Variants in FBXO17 observed in about 807,000 individuals in gnomAD.
FBXO17 encodes F-box protein 17.
A neutral mutation model predicts 34.1 loss-of-function variants in FBXO17; 43 were observed. The ratio of observed to expected loss-of-function variants is 1.26; its 90% CI spans 0.99 to 1.62. The LOEUF (loss-of-function observed/expected upper bound fraction) is 1.62, where lower values mean the gene tolerates loss of function less well. FBXO17 is among the 40% of genes most tolerant of loss of function. The pLI, the probability that FBXO17 is intolerant of heterozygous loss-of-function variation, is 0.00. For missense variants in FBXO17, 424 were observed against 386.7 expected (o/e 1.10, Z -0.81); for synonymous variants, 169 against 166.0 (o/e 1.02, Z -0.14).
chr19:38,969,798 A>G (rs925900007), intron 1 of FBXO17, among the ~76,000 whole-genome samples: 1 of 151,868 alleles, frequency 6.6e-6, no homozygotes, highest in African/African-American at 2.4e-5. Context: ...GGGTTTCACC[A>G]CGTTGGCCAG....
chr19:38,974,479 T>A (rs1975435583), intron 1 of FBXO17, among the ~76,000 whole-genome samples: 1 of 152,148 alleles, frequency 6.6e-6, no homozygotes, highest in Non-Finnish European at 1.5e-5. Flanking sequence ...AAATACAAGT[T>A]AAAAAAATTA....
At chr19:38,973,479 T>G (rs1284099652) in intron 1 of FBXO17, among the ~76,000 whole-genome samples, 1 of 152,174 alleles carries the variant, frequency 6.6e-6, no homozygotes, top group Non-Finnish European at 1.5e-5. Context: ...CCGTGGGGGC[T>G]CAAACACCAG....
intron 1 of FBXO17, among the ~76,000 whole-genome samples, chr19:38,953,265 C>T (rs1975113418): frequency 6.6e-6 from 1 of 151,996 alleles, no homozygotes; most frequent in Admixed American, 6.6e-5. Context: ...TATGATTATG[C>T]CACTGTACTC....
chr19:38,960,332 C>G (rs965576283), intron 1 of FBXO17, among the ~76,000 whole-genome samples: 1 of 151,120 alleles, frequency 6.6e-6, no homozygotes, highest in African/African-American at 2.4e-5. Flanking sequence ...ATCAGCTATG[C>G]GGTCCTCACT....
intron 1 of FBXO17, among the ~76,000 whole-genome samples, chr19:38,959,708 C>T (rs7249668): frequency 0.75 from 114,330 of 151,680 alleles, 43,847 homozygotes; most frequent in East Asian, 0.96. Context: ...CTGGGCAACA[C>T]AGTGAAACCC....
chr19:38,975,137 C>A lies in FBXO17; in HGVS notation c.-18+449G>T, dbSNP rs1345879771. On this transcript the variant is annotated intron_variant, in intron 1 of 5. Transcript: ENST00000292852. This position sits in a 1 kb window ranked among gnomAD's most constrained non-coding sequence, Gnocchi z 4.9. ...TGCCCAAGTTGCTAAATCGAGAAAC[C>A]GCCCTCCAAGGCTTCTGATTCACAG... 2.0e-5 allele frequency among the ~76,000 whole-genome samples: 3 copies of A among 152,144 alleles called. No homozygotes were observed. The highest frequency in any genetic ancestry group is 7.2e-5 in the African/African-American group (3 of 41,436).
At chr19:38,955,479 TC>T in intron 1 of FBXO17, among the ~76,000 whole-genome samples, 1 of 148,392 alleles carries the variant, frequency 6.7e-6, no homozygotes, top group Non-Finnish European at 1.5e-5. Flanking sequence ...ACATTTTCTT[TC>T]TTTCTTTTTT....
chr19:38,958,422 AAAAAAAGG>A (rs1975199598), intron 1 of FBXO17, among the ~76,000 whole-genome samples: 1 of 151,602 alleles, frequency 6.6e-6, no homozygotes, highest in African/African-American at 2.4e-5. Flanking sequence ...AAAAAAAAAA[AAAAAAAGG>A]AAAGAGGAAA....
intron 1 of FBXO17, among the ~76,000 whole-genome samples, chr19:38,962,723 C>CT (rs1975269302): frequency 6.9e-6 from 1 of 144,920 alleles, no homozygotes; most frequent in Non-Finnish European, 1.5e-5. Flanking sequence ...CTTTTTCTTT[C>CT]CTTTTTTTTT....
chr19:38,958,872 G>T (rs1312150803), intron 1 of FBXO17, among the ~76,000 whole-genome samples: 1 of 152,136 alleles, frequency 6.6e-6, no homozygotes, highest in African/African-American at 2.4e-5. Flanking sequence ...CACTGCAGAA[G>T]GGACATTGCT....
At chr19:38,963,004 C>G (rs1020518736) in intron 1 of FBXO17, among the ~76,000 whole-genome samples, 1 of 152,066 alleles carries the variant, frequency 6.6e-6, no homozygotes, top group African/African-American at 2.4e-5. Context: ...CCATTGTGCC[C>G]AGTCTATTTC....
intron 1 of FBXO17, among the ~76,000 whole-genome samples, chr19:38,965,566 G>A (rs1422174233): frequency 6.6e-6 from 1 of 152,024 alleles, no homozygotes; most frequent in East Asian, 1.9e-4. Flanking sequence ...GAGTGCAACA[G>A]AATGATCTCA....
chr19:38,965,982 A>T (rs535114739), intron 1 of FBXO17, among the ~76,000 whole-genome samples: 24 of 150,414 alleles, frequency 1.6e-4, no homozygotes, highest in African/African-American at 4.4e-4. Context: ...TTATTTATTT[A>T]TTTTTTGAGA....
At chr19:38,950,516 G>C (rs146145798) in intron 1 of FBXO17, among the ~76,000 whole-genome samples, 180 bp from the exon 2 acceptor site, 12 of 152,316 alleles carry the variant, frequency 7.9e-5, no homozygotes, top group Admixed American at 3.3e-4. Context: ...TTGGGTAAAA[G>C]ACCCCTGGTC....
intron 1 of FBXO17, among the ~76,000 whole-genome samples, chr19:38,967,734 T>C (rs1022866483): frequency 6.6e-6 from 1 of 152,008 alleles, no homozygotes; most frequent in Non-Finnish European, 1.5e-5. Flanking sequence ...ATTCAGCTAA[T>C]TGTTGAATTT....
chr19:38,971,780 G>T (rs1055081476), intron 1 of FBXO17, among the ~76,000 whole-genome samples: 3 of 150,668 alleles, frequency 2.0e-5, no homozygotes, highest in Non-Finnish European at 4.4e-5. Flanking sequence ...GTGAAACCCT[G>T]TGCCAATTAA....
chr19:38,963,650 C>CCA (rs1975282809), intron 1 of FBXO17, among the ~76,000 whole-genome samples: 1 of 152,030 alleles, frequency 6.6e-6, no homozygotes, highest in African/African-American at 2.4e-5. Context: ...GGGTAATAGT[C>CCA]CACTGAACAC....
intron 4 of FBXO17, chr19:38,945,761 G>A (rs116207887): frequency 0.02 from 3,044 of 155,444 alleles, 121 homozygotes; most frequent in African/African-American, 0.082. Context: ...CCCTGGGGTG[G>A]AGCCAGAGCC....
rs372292215 is a variant in FBXO17, at chr19:38,944,940, G to A, written c.693+29C>T. 558 of 1,613,134 alleles carry A rather than the reference G, an allele frequency of 3.5e-4. 1 individual carries two copies. The highest frequency in any genetic ancestry group is 9.4e-4 in the South Asian group (86 of 91,020). On this transcript the variant is annotated intron_variant, in intron 5 of 5. Coordinates refer to ENST00000292852, the MANE Select transcript of FBXO17 (RefSeq NM_024907.7). ...GGGCGTGTGTGCCTTTAGCGGGTCGGGGGGAGCTGGAAGCTAGTCTGGACC... is the reference window on the plus strand; with the variant it reads ...GGGCGTGTGTGCCTTTAGCGGGTCGAGGGGAGCTGGAAGCTAGTCTGGACC...
Sources: gnomAD v4.1 joint callset for allele counts (sites outside exome capture counted in the v4.1 genomes callset) on GRCh38, gnomAD v4.1.1 for gene constraint, Gnocchi (gnomAD v3.1) non-coding constraint, MANE v1.5 for transcripts, NCBI Gene and HGNC (gene_info 2026-07-23, HGNC 2026-07-21) for gene names.